The following PSD3 variants were observed in gnomAD, a reference collection of about 807,000 sequenced individuals.
PSD3 encodes the protein PH and SEC7 domain-containing protein 3.
PSD3 carries 49 observed loss-of-function variants against 105.5 expected under a neutral mutation model. The ratio of observed to expected loss-of-function variants is 0.46; its 90% CI spans 0.37 to 0.59. The LOEUF (loss-of-function observed/expected upper bound fraction) is 0.59. Ranked by LOEUF, PSD3 falls within the 20% of genes least tolerant of loss-of-function variation. The probability of loss-of-function intolerance (pLI) is 0.00; values close to 1 mark genes in which losing one functional copy is unlikely to be tolerated. For missense variants in PSD3, 1,561 were observed against 1,263.8 expected, an observed-to-expected ratio of 1.24 and a Z score of -3.57; for synonymous variants, 557 against 457.8, an observed-to-expected ratio of 1.22 and a Z score of -2.77.
intron 1 of PSD3, among the ~76,000 whole-genome samples, chr8:19,018,738 G>T (rs78613067): frequency 6.6e-6 from 1 of 152,328 alleles, no homozygotes; most frequent in East Asian, 1.9e-4. Context: ...CTTGAATCAA[G>T]TGTGTCTGAA....
intron 1 of PSD3, among the ~76,000 whole-genome samples, chr8:18,941,426 CG>C (rs35892698): frequency 0.26 from 39,371 of 151,948 alleles, 5,420 homozygotes; most frequent in African/African-American, 0.34. Context: ...CACTTCACTA[CG>C]GGAGCAGTAA....
chr8:18,733,679 T>A (rs1159863115), intron 9 of PSD3: 1 of 152,742 alleles, frequency 6.5e-6, no homozygotes. Flanking sequence ...TGGCTTCCAC[T>A]CACGTCCTGG....
intron 9 of PSD3, among the ~76,000 whole-genome samples, chr8:18,671,785 T>C (rs1002152823): frequency 6.6e-6 from 1 of 152,038 alleles, no homozygotes; most frequent in African/African-American, 2.4e-5. Flanking sequence ...GTGCCCGCCA[T>C]GACGTCCGGC....
chr8:18,874,984 T>C (rs923081948), intron 2 of PSD3, among the ~76,000 whole-genome samples: 1 of 152,162 alleles, frequency 6.6e-6, no homozygotes, highest in Non-Finnish European at 1.5e-5. Flanking sequence ...AGTGCGAACA[T>C]AGCTCACCGC....
At chr8:19,051,893 G>C (rs544616829) in intron 1 of PSD3, among the ~76,000 whole-genome samples, 2 of 152,348 alleles carry the variant, frequency 1.3e-5, no homozygotes, top group South Asian at 4.1e-4. Flanking sequence ...AAGAAATTCA[G>C]AGCACAGGTA....
Position 18,532,531 on chromosome 8 carries a change from T to A in PSD3, c.*3212A>T, listed in dbSNP as rs893494359. The stretch of plus-strand genomic sequence containing the variant: ...CTAAGAGGAATAAAAAGGTTACACA[T>A]AATCCAGGGACTACATTTCCATCAG... On this transcript the variant is annotated 3_prime_UTR_variant, in exon 16 of 16. Transcript: ENST00000327040. 1 of 152,216 alleles carries A rather than the reference T, an allele frequency of 6.6e-6. No homozygotes were observed. The highest frequency in any genetic ancestry group is 2.4e-5 in the African/African-American group (1 of 41,456). The allele number at this position is 152,216 out of a possible 1,614,324, so 9.4% of individuals were successfully genotyped here.
chr8:18,952,009 G>A (rs1823268556), intron 1 of PSD3, among the ~76,000 whole-genome samples: 1 of 152,058 alleles, frequency 6.6e-6, no homozygotes, highest in East Asian at 1.9e-4. Flanking sequence ...AAAAAACTGG[G>A]AAATGTTCCT....
chr8:19,079,061 C>A (rs1829557254), intron 1 of PSD3, among the ~76,000 whole-genome samples: 1 of 151,924 alleles, frequency 6.6e-6, no homozygotes, highest in East Asian at 1.9e-4. Context: ...GATCCAGATG[C>A]TAAACTTCCA....
Position 18,669,717 on chromosome 8 carries a change from G to C in PSD3, c.2173-14032C>G, listed in dbSNP as rs1223587719. ...CTAAAATTTTCCTTTTAATGTTTTT[G>C]GACGATGTTTGATGGCAGTTAAGTG... On this transcript the variant is annotated intron_variant, in intron 9 of 15. Coordinates refer to ENST00000327040, the MANE Select transcript of PSD3 (RefSeq NM_015310.4). Among the ~76,000 whole-genome samples the C allele has an allele frequency of 1.3e-5, 2 of 152,202 alleles. 1 individual carries two copies. The highest frequency in any genetic ancestry group is 3.8e-4 in the East Asian group (2 of 5,204).
intron 9 of PSD3, among the ~76,000 whole-genome samples, chr8:18,667,849 G>T (rs1799567023): frequency 6.6e-6 from 1 of 152,234 alleles, no homozygotes; most frequent in African/African-American, 2.4e-5. Flanking sequence ...GCTGAGGCCT[G>T]GGGAGAATCT....
chr8:18,709,325 T>A (rs1313473656), intron 9 of PSD3, among the ~76,000 whole-genome samples: 1 of 152,142 alleles, frequency 6.6e-6, no homozygotes, highest in South Asian at 2.1e-4. Flanking sequence ...CAGCCAGGGA[T>A]TTAGGATAAA....
intron 4 of PSD3, among the ~76,000 whole-genome samples, chr8:18,820,099 C>T (rs930470223): frequency 1.3e-5 from 2 of 151,342 alleles, no homozygotes; most frequent in Admixed American, 6.6e-5. Flanking sequence ...ATGTAAAAAT[C>T]TGTAAGTTTA....
chr8:18,933,043 C>A (rs532469245), intron 2 of PSD3, among the ~76,000 whole-genome samples: 1 of 152,332 alleles, frequency 6.6e-6, no homozygotes, highest in South Asian at 2.1e-4. Flanking sequence ...ATGTCTTCCA[C>A]GTCTTTGCAC....
chr8:18,776,315 AATAT>A (rs1255294694), intron 8 of PSD3, among the ~76,000 whole-genome samples: 2 of 147,244 alleles, frequency 1.4e-5, no homozygotes, highest in African/African-American at 4.9e-5. Flanking sequence ...TATAGTATAA[AATAT>A]ATATAAACTA....
At chr8:18,878,088 C>G (rs1185660353) in intron 2 of PSD3, among the ~76,000 whole-genome samples, 4 of 152,176 alleles carry the variant, frequency 2.6e-5, no homozygotes, top group African/African-American at 9.7e-5. Context: ...ATCTTTCGTT[C>G]CATGACCATG....
intron 4 of PSD3, among the ~76,000 whole-genome samples, chr8:18,850,971 G>A (rs1398042001): frequency 6.6e-6 from 1 of 152,082 alleles, no homozygotes; most frequent in African/African-American, 2.4e-5. Context: ...CAAGAACAGA[G>A]GGGACAAAAG....
chr8:18,556,180 G>A (rs372349057), intron 15 of PSD3, 29 bp downstream of exon 15: 3 of 1,610,136 alleles, frequency 1.9e-6, no homozygotes, highest in Non-Finnish European at 2.5e-6. Context: ...TCAGAAATCA[G>A]CATTTACTAA....
chr8:18,854,193 T>C (rs1300624280), intron 4 of PSD3: 1 of 152,668 alleles, frequency 6.6e-6, no homozygotes, highest in Non-Finnish European at 1.5e-5. Context: ...CCGCAAGGGC[T>C]CTTTTAATGT....
intron 9 of PSD3, among the ~76,000 whole-genome samples, chr8:18,744,202 G>T (rs1486275868): frequency 6.6e-6 from 1 of 152,092 alleles, no homozygotes; most frequent in African/African-American, 2.4e-5. Flanking sequence ...GTATCATCCT[G>T]TAGGCTTTAC....
Sources: gnomAD v4.1 joint callset for allele counts (sites outside exome capture counted in the v4.1 genomes callset) on GRCh38, gnomAD v4.1.1 for gene constraint, MANE v1.5 for transcripts, NCBI Gene and HGNC (gene_info 2026-07-23, HGNC 2026-07-21) for gene names.